Variants in CCDC141 observed in about 807,000 individuals in gnomAD.
CCDC141 encodes the protein coiled-coil domain-containing protein 141.
In CCDC141, 168 loss-of-function variants were observed where a neutral mutation model predicts 181.0. The ratio of observed to expected loss-of-function variants is 0.93; its 90% CI spans 0.82 to 1.05. The LOEUF (loss-of-function observed/expected upper bound fraction) is 1.05. Ranked by LOEUF, CCDC141 falls within the 50% of genes least tolerant of loss-of-function variation. The pLI is 0.00. For synonymous variants in CCDC141, 666 were observed against 642.3 expected, an observed-to-expected ratio of 1.04 and a Z score of -0.56; for missense variants, 1,902 against 1,788.5, an observed-to-expected ratio of 1.06 and a Z score of -1.14.
chr2:178,877,989 A>G lies in CCDC141; in HGVS notation c.1874T>C (p.Leu625Pro). The change falls in exon 12 of 24, where the codon CTT (leucine) becomes CCT (proline). Residue 625 changes from leucine to proline, a missense_variant. Leu to Pro is a moderately conservative substitution (Grantham distance 98). Transcript: ENST00000443758. ...CATATTTATTAAATTAAGGAACTCA[A>G]GCCCTAGATCTTGTGTTATAAAACT... is the stretch of plus-strand genomic sequence containing the variant. ...KKSFITQDLG[L>P]EFLNLINMAK... 2 of 1,613,890 alleles carry G rather than the reference A, an allele frequency of 1.2e-6. No individual in the cohort carries two copies. The highest frequency in any genetic ancestry group is 1.7e-6 in the Non-Finnish European group (2 of 1,179,850).
the CCDC141 span, among the ~76,000 whole-genome samples, chr2:178,822,317 T>C: frequency 6.6e-6 from 1 of 151,284 alleles, no homozygotes; most frequent in African/African-American, 2.4e-5. Flanking sequence ...AATGACGAGT[T>C]AATGGGTGCA....
At chr2:178,978,773 T>C in intron 2 of CCDC141, 98 bp from the exon 3 acceptor site, 1 of 909,022 alleles carries the variant, frequency 1.1e-6, no homozygotes, top group South Asian at 2.2e-5. Flanking sequence ...TTGCATGTGG[T>C]CTAGGAAACA....
the CCDC141 span, among the ~76,000 whole-genome samples, chr2:178,816,738 T>C: frequency 6.6e-6 from 1 of 152,194 alleles, no homozygotes; most frequent in Non-Finnish European, 1.5e-5. Flanking sequence ...GCCATTCTAA[T>C]AGGTATGTAT....
At chr2:178,883,745 A>G (rs1686737942) in intron 11 of CCDC141, among the ~76,000 whole-genome samples, 1 of 152,146 alleles carries the variant, frequency 6.6e-6, no homozygotes, top group Non-Finnish European at 1.5e-5. Context: ...CATGGGGATT[A>G]CTAGGATTGG....
chr2:179,048,273 A>T (rs968480334), intron 1 of CCDC141, among the ~76,000 whole-genome samples: 2 of 152,192 alleles, frequency 1.3e-5, no homozygotes, highest in African/African-American at 4.8e-5. Context: ...ACTATAAATC[A>T]CACACAGGCA....
chr2:178,953,386 G>A (rs551865720), intron 5 of CCDC141, among the ~76,000 whole-genome samples: 3 of 151,030 alleles, frequency 2.0e-5, no homozygotes, highest in South Asian at 2.1e-4. Context: ...GCAGTGAGCC[G>A]AGATTGCACC....
intron 2 of CCDC141, among the ~76,000 whole-genome samples, chr2:179,039,416 CATA>C (rs1281667449): frequency 6.6e-6 from 1 of 152,138 alleles, no homozygotes; most frequent in Non-Finnish European, 1.5e-5. Flanking sequence ...CACTCATTAA[CATA>C]ATAATTATGC....
chr2:178,923,637 C>T (rs572162745), intron 6 of CCDC141, among the ~76,000 whole-genome samples: 2 of 152,160 alleles, frequency 1.3e-5, no homozygotes, highest in Admixed American at 1.3e-4. Context: ...AAAGCCAAAG[C>T]CTTCCATTTC....
Position 178,837,470 on chromosome 2 carries a change from C to T in CCDC141, c.3749G>A (p.Gly1250Glu). The change falls in exon 23 of 24, where the codon GGG becomes GAG. Residue 1250 changes from glycine to glutamate, a missense_variant. Transcript: ENST00000443758. ...SSLSLHISSY[G>E]VQAGTSSPGD... ...TGGGCTGCTGGTCCCAGCCTGCACCCCATAGCTGCTTATGTGAAGGCTGAG... is the reference window on the plus strand; with the variant it reads ...TGGGCTGCTGGTCCCAGCCTGCACCTCATAGCTGCTTATGTGAAGGCTGAG... The T allele has an allele frequency of 6.2e-7, 1 of 1,614,056 alleles. No homozygotes were observed. Among genetic ancestry groups the T allele is most frequent in the Non-Finnish European group, 8.5e-7 (1 of 1,179,958 alleles).
intron 2 of CCDC141, among the ~76,000 whole-genome samples, chr2:179,010,589 C>A (rs1042513776): frequency 1.4e-4 from 21 of 152,102 alleles, no homozygotes; most frequent in African/African-American, 5.1e-4. Context: ...CTTTTTCAGA[C>A]AAGCACATGC....
chr2:178,989,829 TAAAAAAAAAAAAA>T (rs71023463), intron 2 of CCDC141, among the ~76,000 whole-genome samples: 3 of 81,398 alleles, frequency 3.7e-5, no homozygotes, highest in Admixed American at 1.4e-4. Context: ...GCTATAATCT[TAAAAAAAAAAAAA>T]AAAAAAAAAA....
chr2:178,981,683 T>TATATATAG (rs1218312881), intron 2 of CCDC141, among the ~76,000 whole-genome samples: 1 of 119,600 alleles, frequency 8.4e-6, no homozygotes, highest in African/African-American at 3.1e-5. Flanking sequence ...TATATATATA[T>TATATATAG]AGAGAGAGAG....
At position 178,855,542 on chromosome 2, in the gene CCDC141, CTGTG is replaced by C. The variant is rs1217074165; in HGVS notation, c.2866-5_2866-2del. 1 of 1,563,868 alleles carries C rather than the reference CTGTG, an allele frequency of 6.4e-7. No individual in the cohort carries two copies. Among genetic ancestry groups the C allele is most frequent in the Non-Finnish European group, 8.6e-7 (1 of 1,160,494 alleles). On this transcript the variant is annotated splice_acceptor_variant and splice_polypyrimidine_tract_variant and intron_variant, in intron 18 of 23. Transcript: ENST00000443758. LOFTEE classifies it high-confidence loss of function. ...CTTTTTCCATTTTCCTTTTCAAAGC[CTGTG>C]TGAAAAACAAAAAGTTTTTTAAACA...
chr2:178,905,394 A>C lies in CCDC141; in HGVS notation c.1200T>G (p.Ile400Met), dbSNP rs371556408. ...GCAAAGCATCAGTTGTGCAGTCTTT[A>C]ATTTTTCTGTGTAATTCCTCATGCC... ...AVRHEELHRK[I>M]KDCTTDALQK... Residue 400 changes from isoleucine (I) to methionine (M), a missense_variant, in exon 8 of 24, where the codon ATT (isoleucine) becomes ATG (methionine). Physicochemically the swap from Ile to Met is conservative, Grantham distance 10. Coordinates refer to ENST00000443758, the MANE Select transcript of CCDC141 (RefSeq NM_173648.4). 31 of 1,550,640 alleles carry C rather than the reference A, an allele frequency of 2.0e-5. 1 individual carries two copies. Among genetic ancestry groups the C allele is most frequent in the Non-Finnish European group, 8.7e-7 (1 of 1,146,982 alleles).
chr2:178,877,108 C>T (rs969083256), intron 12 of CCDC141: 1 of 151,918 alleles, frequency 6.6e-6, no homozygotes, highest in Admixed American at 6.6e-5. Context: ...TCTTGACAAA[C>T]CATAGAAAAT....
At chr2:179,016,378 T>TA (rs1575351687) in intron 2 of CCDC141, among the ~76,000 whole-genome samples, 1 of 151,956 alleles carries the variant, frequency 6.6e-6, no homozygotes, top group African/African-American at 2.4e-5. Flanking sequence ...CCCCTCACCA[T>TA]AAAAAATGTA....
intron 8 of CCDC141, among the ~76,000 whole-genome samples, chr2:178,898,697 T>C (rs1434636943): frequency 6.6e-6 from 1 of 152,164 alleles, no homozygotes; most frequent in African/African-American, 2.4e-5. Flanking sequence ...AGTAAAACAG[T>C]GTAAGTCTGT....
intron 2 of CCDC141, among the ~76,000 whole-genome samples, chr2:179,024,128 G>C (rs2042763558): frequency 6.6e-6 from 1 of 152,140 alleles, no homozygotes; most frequent in South Asian, 2.1e-4. Context: ...GTTAAAAGAA[G>C]AATAATGACA....
intron 6 of CCDC141, among the ~76,000 whole-genome samples, chr2:178,929,932 T>C (rs1434170748): frequency 6.6e-6 from 1 of 152,086 alleles, no homozygotes; most frequent in Non-Finnish European, 1.5e-5. Flanking sequence ...CACTGTAGTT[T>C]GAGAAGCTCT....
Sources: gnomAD v4.1 joint callset for allele counts (sites outside exome capture counted in the v4.1 genomes callset) on GRCh38, gnomAD v4.1.1 for gene constraint, MANE v1.5 for transcripts, NCBI Gene and HGNC (gene_info 2026-07-23, HGNC 2026-07-21) for gene names.